The following TIAM1 variants were observed in gnomAD, a reference collection of about 807,000 sequenced individuals.
TIAM1 encodes TIAM Rac1 associated GEF 1, also known as rho guanine nucleotide exchange factor TIAM1.
A neutral mutation model predicts 163.5 loss-of-function variants in TIAM1; 65 were observed. The ratio of observed to expected loss-of-function variants is 0.40; its 90% CI spans 0.33 to 0.49. The LOEUF (loss-of-function observed/expected upper bound fraction) is 0.49. Ranked by LOEUF, TIAM1 falls within the 20% of genes least tolerant of loss-of-function variation. TIAM1 has a pLI of 0.77. For missense variants in TIAM1, 1,789 were observed against 2,044.7 expected, an observed-to-expected ratio of 0.87 and a Z score of 2.41; for synonymous variants, 833 against 810.1, an observed-to-expected ratio of 1.03 and a Z score of -0.48.
At chr21:31,306,936 T>G (rs572679140) in intron 2 of TIAM1, among the ~76,000 whole-genome samples, 3 of 152,296 alleles carry the variant, frequency 2.0e-5, no homozygotes, top group African/African-American at 7.2e-5. Flanking sequence ...TGAAAAACAC[T>G]AATGTCTTTG....
intron 13 of TIAM1, 30 bp from the exon 14 acceptor site, chr21:31,187,117 G>GGCTCA: frequency 6.3e-7 from 1 of 1,598,570 alleles, no homozygotes. Context: ...AGAATGGCAG[G>GGCTCA]GCTCACACCT....
intron 14 of TIAM1, among the ~76,000 whole-genome samples, chr21:31,186,433 G>A (rs2085308827): frequency 6.6e-6 from 1 of 152,098 alleles, no homozygotes; most frequent in Admixed American, 6.6e-5. Flanking sequence ...CACCATCCTA[G>A]AAGATGGAGA....
intron 13 of TIAM1, among the ~76,000 whole-genome samples, chr21:31,193,949 G>C (rs1268616629): frequency 6.6e-6 from 1 of 152,128 alleles, no homozygotes; most frequent in Non-Finnish European, 1.5e-5. Context: ...TTAGGATAGG[G>C]CAGCCAGCTT....
At chr21:31,502,792 C>T (rs1040320980) in intron 1 of TIAM1, among the ~76,000 whole-genome samples, 1 of 152,190 alleles carries the variant, frequency 6.6e-6, no homozygotes, top group African/African-American at 2.4e-5. Context: ...GGTGGCTGTA[C>T]TCTCCAATTT....
Position 31,135,997 on chromosome 21 carries a change from C to T in TIAM1, c.3819G>A (p.Val1273=), listed in dbSNP as rs758662759. Residue 1273 remains valine, a synonymous_variant, in exon 23 of 28, where the codon GTG becomes GTA. Coordinates refer to ENST00000541036, the MANE Select transcript of TIAM1 (RefSeq NM_001353694.2). ...SMGDLLLHTT[V]IWLNPPASLG... ...GCGAGGCCGGCGGGTTCAGCCAGAT[C>T]ACGGTAGTGTGCAAAAGCAGGTCTC... is the stretch of plus-strand genomic sequence containing the variant. 5 of 1,614,174 alleles carry T rather than the reference C, an allele frequency of 3.1e-6. No homozygotes were observed. Among genetic ancestry groups the T allele is most frequent in the Non-Finnish European group, 4.2e-6 (5 of 1,180,028 alleles).
At chr21:31,295,211 C>T (rs1044856220) in intron 2 of TIAM1, among the ~76,000 whole-genome samples, 2 of 152,132 alleles carry the variant, frequency 1.3e-5, no homozygotes, top group Non-Finnish European at 2.9e-5. Flanking sequence ...TGGCTTACGC[C>T]TGCAATCCCA....
intron 11 of TIAM1, among the ~76,000 whole-genome samples, chr21:31,205,764 G>A (rs1226691569): frequency 6.6e-6 from 1 of 152,120 alleles, no homozygotes; most frequent in East Asian, 1.9e-4. Context: ...CCAGGAGTTT[G>A]ACCAGCCTGG....
chr21:31,402,552 T>C (rs957321388), intron 2 of TIAM1, among the ~76,000 whole-genome samples: 3 of 152,146 alleles, frequency 2.0e-5, no homozygotes, highest in African/African-American at 7.2e-5. Context: ...AGTAACACCA[T>C]TTTTGCATGA....
At position 31,290,646 on chromosome 21, in the gene TIAM1, C is replaced by CAA. The variant is rs200030849; in HGVS notation, c.-188-13740_-188-13739dup. Reference sequence around the variant, plus strand: ...CCGGTAACAGAGCAAGACTCTATCTCAAAAAAAAAAAAAAAAAAAAAAAAA... The same window carrying CAA: ...CCGGTAACAGAGCAAGACTCTATCTCAAAAAAAAAAAAAAAAAAAAAAAAAAA... On this transcript the variant is annotated intron_variant, in intron 2 of 27. Coordinates refer to ENST00000541036, the MANE Select transcript of TIAM1 (RefSeq NM_001353694.2). Among the ~76,000 whole-genome samples, 311 of 63,158 alleles carry CAA rather than the reference C, an allele frequency of 4.9e-3. 8 individuals are homozygous for CAA. The highest frequency in any genetic ancestry group is 7.5e-3 in the South Asian group (17 of 2,272). 41.4% of individuals were successfully genotyped at this position (63,158 alleles called of 152,430 possible). A position where few individuals can be genotyped will look rare whatever the true frequency, so the allele number is the denominator to read the frequency against.
chr21:31,369,225 C>CAAAAAAAAAAAAAAAAAAAAAAAA (rs67890846), intron 2 of TIAM1, among the ~76,000 whole-genome samples: 1 of 121,104 alleles, frequency 8.3e-6, no homozygotes, highest in African/African-American at 3.4e-5. Flanking sequence ...GAATCCATCT[C>CAAAAAAAAAAAAAAAAAAAAAAAA]AAAAAAAAAG....
In TIAM1 at chr21:31,226,354, G is replaced by A. The variant is rs115383112; in HGVS notation, c.1585-404C>T. On this transcript the variant is annotated intron_variant, in intron 6 of 27. Transcript: ENST00000541036. ...GGACTGAGGGACATTACTGACATAG[G>A]AAGCTACAACAGCCCTGCCCCTCGT... Among the ~76,000 whole-genome samples, 3 of 152,140 alleles carry A rather than the reference G, an allele frequency of 2.0e-5. No homozygotes were observed. The East Asian group carries it at 5.8e-4, about 29-fold the overall frequency.
At chr21:31,162,617 CA>C (rs1176638286) in intron 16 of TIAM1, among the ~76,000 whole-genome samples, 1 of 151,098 alleles carries the variant, frequency 6.6e-6, no homozygotes, top group African/African-American at 2.4e-5. Context: ...AAAATATATT[CA>C]AATCATCACC....
chr21:31,303,699 C>T (rs1349080793), intron 2 of TIAM1, among the ~76,000 whole-genome samples: 2 of 151,958 alleles, frequency 1.3e-5, no homozygotes, highest in African/African-American at 2.4e-5. Context: ...AAAAAGTGGT[C>T]GGGCATGGTG....
At chr21:31,230,032 G>A (rs1212860860) in intron 6 of TIAM1, among the ~76,000 whole-genome samples, 1 of 152,160 alleles carries the variant, frequency 6.6e-6, no homozygotes, top group African/African-American at 2.4e-5. Flanking sequence ...CTAAGGAGAG[G>A]CTATGGTTCC....
intron 1 of TIAM1, among the ~76,000 whole-genome samples, chr21:31,485,745 C>G (rs940505554): frequency 5.9e-5 from 9 of 152,152 alleles, no homozygotes; most frequent in Non-Finnish European, 1.5e-5. Context: ...CCACCACCAA[C>G]AGCCACTGGG....
At chr21:31,521,659 C>G (rs1216079925) in intron 1 of TIAM1, among the ~76,000 whole-genome samples, 1 of 151,708 alleles carries the variant, frequency 6.6e-6, no homozygotes, top group Non-Finnish European at 1.5e-5. Flanking sequence ...ATTGCTTGAG[C>G]CCGGGAGTTC....
At chr21:31,264,300 A>G (rs890244468) in intron 4 of TIAM1, among the ~76,000 whole-genome samples, 3 of 152,064 alleles carry the variant, frequency 2.0e-5, no homozygotes, top group Non-Finnish European at 4.4e-5. Flanking sequence ...TGGAGTCCCC[A>G]GTGTCTACTG....
chr21:31,229,730 G>A (rs8127257), intron 6 of TIAM1, among the ~76,000 whole-genome samples: 7,931 of 151,770 alleles, frequency 0.052, 670 homozygotes, highest in African/African-American at 0.18. Context: ...TCGGCTCACT[G>A]CAACCTCCGC....
intron 2 of TIAM1, among the ~76,000 whole-genome samples, chr21:31,328,439 C>T (rs1041641840): frequency 3.9e-5 from 6 of 152,164 alleles, no homozygotes; most frequent in Admixed American, 6.5e-5. Context: ...AGCACAATCA[C>T]GGCTCACTGC....
Sources: allele counts gnomAD v4.1 joint callset (sites outside exome capture counted in the v4.1 genomes callset), GRCh38; gene constraint gnomAD v4.1.1; transcripts MANE v1.5; gene names NCBI Gene and HGNC (gene_info 2026-07-23, HGNC 2026-07-21).